Variants in CLEC10A observed in about 807,000 individuals in gnomAD.
CLEC10A encodes the protein C-type lectin domain containing 10A, also known as C-type lectin domain family 10 member A.
Under a neutral mutation model 42.0 loss-of-function variants are expected in CLEC10A, and 38 were observed. The observed-to-expected ratio is 0.90, with a 90% confidence interval of 0.70 to 1.18. The LOEUF (loss-of-function observed/expected upper bound fraction) is 1.18, where lower values mean the gene tolerates loss of function less well. CLEC10A is among the 50% of genes most tolerant of loss of function. CLEC10A has a pLI of 0.00. For missense variants in CLEC10A, 298 were observed against 345.9 expected (o/e 0.86, Z 1.10); for synonymous variants, 126 against 139.9 (o/e 0.90, Z 0.70).
intron 3 of CLEC10A, 113 bp from the exon 4 acceptor site, chr17:7,077,100 G>A (rs1911807025): frequency 2.7e-6 from 2 of 734,842 alleles, no homozygotes; most frequent in Non-Finnish European, 4.9e-6. Context: ...CAACCCAGTG[G>A]GGCAGGCACT....
intron 1 of CLEC10A, 45 bp downstream of exon 1, chr17:7,080,006 AC>A (rs1912079359): frequency 6.6e-6 from 1 of 152,238 alleles, no homozygotes; most frequent in Non-Finnish European, 1.5e-5. Context: ...GCTTCCTCTG[AC>A]ATCCCCTGTC....
At chr17:7,078,369 G>C (rs900384488) in intron 2 of CLEC10A, 2 of 514,696 alleles carry the variant, frequency 3.9e-6, no homozygotes. Context: ...GGTCAGAGCT[G>C]GGGGCAGGGG....
At chr17:7,078,661 C>T (rs186723888) in intron 2 of CLEC10A, 85 bp downstream of exon 2, 35 of 1,305,184 alleles carry the variant, frequency 2.7e-5, no homozygotes, top group South Asian at 2.2e-4. Context: ...CACCAGTGCG[C>T]GTGGTGGAGG....
At chr17:7,077,040 C>A in intron 3 of CLEC10A, 53 bp from the exon 4 acceptor site, 1 of 1,251,514 alleles carries the variant, frequency 8.0e-7, no homozygotes, top group South Asian at 1.2e-5. Context: ...TCCTCTGTAC[C>A]AGCACCGAGC....
intron 1 of CLEC10A, 30 bp from the exon 2 acceptor site, chr17:7,078,915 G>A: frequency 9.5e-7 from 1 of 1,050,322 alleles, no homozygotes; most frequent in South Asian, 1.3e-5. Flanking sequence ...GACTAAGTTG[G>A]AGCCAAGGGC....
intron 3 of CLEC10A, 21 bp from the exon 4 acceptor site, chr17:7,077,008 G>A (rs749692765): frequency 1.3e-6 from 2 of 1,550,086 alleles, no homozygotes; most frequent in East Asian, 2.2e-5. Context: ...GGATGGGAAG[G>A]TCAGTGCTGG....
intron 1 of CLEC10A, among the ~76,000 whole-genome samples, chr17:7,079,157 T>C (rs1036267676): frequency 6.6e-6 from 1 of 152,074 alleles, no homozygotes; most frequent in Non-Finnish European, 1.5e-5. Context: ...AGTATGCACG[T>C]TGGAGCCATG....
At chr17:7,076,307 C>CTTTTTTTTT (rs1206807036) in intron 5 of CLEC10A, among the ~76,000 whole-genome samples, 11 of 121,116 alleles carry the variant, frequency 9.1e-5, no homozygotes, top group East Asian at 2.4e-4. Flanking sequence ...TTCTTTCTTT[C>CTTTTTTTTT]TTTTTTTTTT....
chr17:7,075,654 T>C, intron 7 of CLEC10A, 77 bp downstream of exon 7: 5 of 1,605,688 alleles, frequency 3.1e-6, no homozygotes, highest in Non-Finnish European at 4.3e-6. Context: ...CCCAGATGAT[T>C]CCAATGTGCG....
Position 7,080,044 on chromosome 17 carries a change from A to G in CLEC10A, c.-74+8T>C, listed in dbSNP as rs1427350723. ...CCTGGGTCTCACCGGCACCGGCAGC[A>G]CCATTACCTGTGGGAGGTCTGGAGG... On this transcript the variant is annotated splice_region_variant and intron_variant, in intron 1 of 8. Coordinates refer to ENST00000416562, the MANE Select transcript of CLEC10A (RefSeq NM_001330070.2). 1 of 152,184 alleles carries G rather than the reference A, an allele frequency of 6.6e-6. No homozygotes were observed. Among genetic ancestry groups the G allele is most frequent in the African/African-American group, 2.4e-5 (1 of 41,404 alleles). The allele number at this position is 152,184 out of a possible 1,614,324, so 9.4% of individuals were successfully genotyped here.
chr17:7,077,036 G>T, intron 3 of CLEC10A, 49 bp from the exon 4 acceptor site: 1 of 1,340,954 alleles, frequency 7.5e-7, no homozygotes, highest in Non-Finnish European at 1.1e-6. Flanking sequence ...CAGGTCCTCT[G>T]TACCAGCACC....
At position 7,078,683 on chromosome 17, in the gene CLEC10A, T is replaced by C. The variant is rs1225365766; in HGVS notation, c.67+63A>G. 4 of 1,514,460 alleles carry C rather than the reference T, an allele frequency of 2.6e-6. No individual in the cohort carries two copies. In the South Asian group the frequency reaches 3.4e-5, roughly 13 times the overall value. The allele number at this position is 1,514,460 out of a possible 1,614,324, so 93.8% of individuals were successfully genotyped here. On this transcript the variant is annotated intron_variant, in intron 2 of 8. Coordinates refer to ENST00000416562, the MANE Select transcript of CLEC10A (RefSeq NM_001330070.2). ...GCGCGTGGTGGAGGTACAGAAATGA[T>C]AGGAGAAATCCTTCTAAACATATAA...
rs374648451 is a variant in CLEC10A, at chr17:7,078,826, C to G, written c.-14G>C. ...CGTCCTTGTCATGCTTGGGCCAACA[C>G]GGCTCTGAGGTTGTCACAGCTGAAA... On this transcript the variant is annotated 5_prime_UTR_variant, in exon 2 of 9. Coordinates refer to ENST00000416562, the MANE Select transcript of CLEC10A (RefSeq NM_001330070.2). The G allele has an allele frequency of 5.0e-6, 8 of 1,613,872 alleles. No individual in the cohort carries two copies. In the African/African-American group the frequency reaches 9.3e-5, roughly 19 times the overall value.
chr17:7,075,173 C>T lies in CLEC10A; in HGVS notation c.751G>A (p.Gly251Arg). 2 of 1,591,266 alleles carry T rather than the reference C, an allele frequency of 1.3e-6. No individual in the cohort carries two copies. The highest frequency in any genetic ancestry group is 1.7e-6 in the Non-Finnish European group (2 of 1,171,186). ...TGGAAGTGAGCACAGTCCTCGCCTC[C>T]ACCCAGCCCGTGCCCCTGCCAGTCG... ...PDDWQGHGLG[G>R]GEDCAHFHPD... The change falls in exon 9 of 9, where the codon GGA becomes AGA. Residue 251 changes from glycine (G) to arginine (R), a missense_variant. Physicochemically the swap from Gly to Arg is moderately radical, Grantham distance 125. Coordinates refer to ENST00000416562, the MANE Select transcript of CLEC10A (RefSeq NM_001330070.2).
rs1337126679 is a variant in CLEC10A, at chr17:7,076,759, T to A, written c.326A>T (p.Glu109Val). 9 of 1,613,590 alleles carry A rather than the reference T, an allele frequency of 5.6e-6. No individual in the cohort carries two copies. Among genetic ancestry groups the A allele is most frequent in the Non-Finnish European group, 7.6e-6 (9 of 1,179,898 alleles). ...TGCCTGCCGTTCCTGCTTGAAACCCTCCACCTCAGCTTTCAGAGATGCTAT... is the reference window on the plus strand; with the variant it reads ...TGCCTGCCGTTCCTGCTTGAAACCCACCACCTCAGCTTTCAGAGATGCTAT... ...ETIASLKAEV[E>V]GFKQERQAVH... is the part of the protein sequence containing the mutation. Residue 109 changes from glutamate (E) to valine (V), a missense_variant, in exon 5 of 9, where the codon GAG becomes GTG. Glu to Val is a moderately radical substitution (Grantham distance 121). Transcript: ENST00000416562.
chr17:7,076,990 A>G lies in CLEC10A; in HGVS notation c.185-3T>C, dbSNP rs747655473. 1 of 1,604,844 alleles carries G rather than the reference A, an allele frequency of 6.2e-7. No homozygotes were observed. The highest frequency in any genetic ancestry group is 8.5e-7 in the Non-Finnish European group (1 of 1,171,838). On this transcript the variant is annotated splice_polypyrimidine_tract_variant and splice_region_variant and intron_variant, in intron 3 of 8. Transcript: ENST00000416562. ...CAGGTCCCTCTGAAATTTGGAATCT[A>G]AACAGGTGGATGGGAAGGTCAGTGC...
chr17:7,077,932 G>A, intron 3 of CLEC10A, 65 bp downstream of exon 3: 15 of 1,255,834 alleles, frequency 1.2e-5, no homozygotes, highest in Non-Finnish European at 1.6e-5. Flanking sequence ...CCCTACTGTA[G>A]CACCCCATTA....
At chr17:7,076,863 G>T (rs1358504151) in intron 4 of CLEC10A, 29 bp downstream of exon 4, 1 of 1,613,528 alleles carries the variant, frequency 6.2e-7, no homozygotes, top group South Asian at 1.1e-5. Flanking sequence ...CCTGGCCCCA[G>T]CCCAGAGCCC....
intron 1 of CLEC10A, among the ~76,000 whole-genome samples, chr17:7,079,562 G>A (rs1442949662): frequency 2.0e-5 from 3 of 151,840 alleles, no homozygotes; most frequent in Admixed American, 6.6e-5. Context: ...CAGCCTGGAC[G>A]ACACAGTGAG....
Sources: gnomAD v4.1 joint callset for allele counts (sites outside exome capture counted in the v4.1 genomes callset) on GRCh38, gnomAD v4.1.1 for gene constraint, MANE v1.5 for transcripts, NCBI Gene and HGNC (gene_info 2026-07-23, HGNC 2026-07-21) for gene names.